LARGE1: variants seen among roughly 807,000 people sequenced by gnomAD.
LARGE1 encodes LARGE xylosyl- and glucuronyltransferase 1, also known as xylosyl- and glucuronyltransferase LARGE1.
A neutral mutation model predicts 87.6 loss-of-function variants in LARGE1; 43 were observed. That is an observed-to-expected ratio of 0.49 (90% confidence interval 0.38 to 0.63). The LOEUF is 0.63. LARGE1 is among the 30% of genes least tolerant of loss of function. The pLI is 0.00. For synonymous variants in LARGE1, 434 were observed against 394.6 expected, an observed-to-expected ratio of 1.10 and a Z score of -1.18; for missense variants, 802 against 1,000.2, an observed-to-expected ratio of 0.80 and a Z score of 2.67.
At chr22:33,206,977 T>C (rs993132594) in intron 11 of LARGE1, among the ~76,000 whole-genome samples, 9 of 152,218 alleles carry the variant, frequency 5.9e-5, no homozygotes, top group African/African-American at 2.2e-4. Flanking sequence ...CCCTCTCCGG[T>C]GCAGAACTGC....
intron 1 of LARGE1, among the ~76,000 whole-genome samples, chr22:33,834,156 T>C (rs1159388964): frequency 6.6e-6 from 1 of 152,186 alleles, no homozygotes; most frequent in East Asian, 1.9e-4. Flanking sequence ...GCATCTATTA[T>C]GTGATAAGGT....
intron 6 of LARGE1, among the ~76,000 whole-genome samples, chr22:33,506,706 G>A (rs1298260597): frequency 6.6e-6 from 1 of 152,154 alleles, no homozygotes; most frequent in Non-Finnish European, 1.5e-5. Flanking sequence ...TTCGAGACCA[G>A]CCTGGCCAAT....
chr22:33,250,169 A>C (rs1926948062), intron 11 of LARGE1, among the ~76,000 whole-genome samples: 1 of 152,184 alleles, frequency 6.6e-6, no homozygotes, highest in Non-Finnish European at 1.5e-5. Context: ...TCATGTACAT[A>C]TCTCTCCATT....
At chr22:33,388,591 A>C (rs546122368) in intron 7 of LARGE1, among the ~76,000 whole-genome samples, 13 of 152,038 alleles carry the variant, frequency 8.6e-5, no homozygotes, top group Non-Finnish European at 1.5e-5. Flanking sequence ...TTTTAGACAG[A>C]GTCTTGCTCT....
intron 6 of LARGE1, among the ~76,000 whole-genome samples, chr22:33,522,758 G>C (rs2071673965): frequency 6.6e-6 from 1 of 151,768 alleles, no homozygotes; most frequent in African/African-American, 2.4e-5. Context: ...TTGAACCCAA[G>C]AGGTGGAGGT....
chr22:33,895,108 G>C (rs2065103326), intron 1 of LARGE1, among the ~76,000 whole-genome samples: 1 of 152,188 alleles, frequency 6.6e-6, no homozygotes, highest in African/African-American at 2.4e-5. Context: ...CACCTCTACA[G>C]AGGTGGGCAG....
the LARGE1 span, chr22:33,105,921 G>T: frequency 1.3e-5 from 2 of 152,292 alleles, no homozygotes; most frequent in Non-Finnish European, 2.9e-5. Flanking sequence ...TGGCACTAGG[G>T]TTAGTCTCAA....
intron 6 of LARGE1, among the ~76,000 whole-genome samples, chr22:33,474,124 T>C (rs1258036628): frequency 2.0e-5 from 3 of 152,204 alleles, no homozygotes; most frequent in African/African-American, 7.2e-5. Flanking sequence ...CTCAAACATA[T>C]ATTGTTGGCC....
At chr22:33,149,798 T>C in the LARGE1 span, among the ~76,000 whole-genome samples, 1 of 152,294 alleles carries the variant, frequency 6.6e-6, no homozygotes, top group East Asian at 1.9e-4. Flanking sequence ...TTGCTGACAG[T>C]CAGAGGCCAA....
At chr22:33,069,605 A>T in the LARGE1 span, among the ~76,000 whole-genome samples, 1 of 151,902 alleles carries the variant, frequency 6.6e-6, no homozygotes, top group African/African-American at 2.4e-5. Flanking sequence ...TTCATTATGA[A>T]CTAAAATAAT....
intron 9 of LARGE1, among the ~76,000 whole-genome samples, chr22:33,346,126 T>G (rs1053301806): frequency 8.5e-5 from 13 of 152,080 alleles, no homozygotes; most frequent in African/African-American, 3.1e-4. Context: ...TCCTAGTATT[T>G]CTTAAACCTG....
chr22:33,913,130 C>A (rs1164175894), intron 1 of LARGE1, among the ~76,000 whole-genome samples: 1 of 152,196 alleles, frequency 6.6e-6, no homozygotes, highest in Non-Finnish European at 1.5e-5. Flanking sequence ...CCAAGCCCGG[C>A]CTGATTTTGA....
At chr22:33,220,510 A>G (rs1925409301) in intron 11 of LARGE1, among the ~76,000 whole-genome samples, 1 of 152,112 alleles carries the variant, frequency 6.6e-6, no homozygotes, top group Non-Finnish European at 1.5e-5. Context: ...GTGAAAGGGG[A>G]AAAAAATAGA....
At chr22:33,853,960 G>A (rs1277341379) in intron 1 of LARGE1, among the ~76,000 whole-genome samples, 1 of 152,096 alleles carries the variant, frequency 6.6e-6, no homozygotes, top group African/African-American at 2.4e-5. Flanking sequence ...GCTCTCAGCA[G>A]GTCCCAACTG....
the LARGE1 span, among the ~76,000 whole-genome samples, chr22:33,120,360 T>TTCTTTCTTTCTTTC: frequency 1.2e-5 from 1 of 81,004 alleles, no homozygotes; most frequent in African/African-American, 6.0e-5. Flanking sequence ...TTCTTTCTTT[T>TTCTTTCTTTCTTTC]TCTTTCTTTC....
intron 2 of LARGE1, among the ~76,000 whole-genome samples, chr22:33,748,590 C>A (rs183346948): frequency 6.6e-6 from 1 of 152,066 alleles, no homozygotes; most frequent in Non-Finnish European, 1.5e-5. Context: ...AGTCAATTTG[C>A]GGTAAGAGAG....
At chr22:33,210,104 A>G (rs1050800794) in intron 11 of LARGE1, among the ~76,000 whole-genome samples, 9 of 152,222 alleles carry the variant, frequency 5.9e-5, no homozygotes, top group Non-Finnish European at 1.3e-4. Flanking sequence ...GTATGCAGCC[A>G]AAGTTGAGAA....
chr22:33,827,060 G>A (rs957357635), intron 1 of LARGE1, among the ~76,000 whole-genome samples: 5 of 152,030 alleles, frequency 3.3e-5, no homozygotes, highest in Non-Finnish European at 7.4e-5. Flanking sequence ...TTTCTCCTAA[G>A]ACATTTAAAA....
chr22:33,166,847 G>A, intron 11 of LARGE1: 1 of 471,356 alleles, frequency 2.1e-6, no homozygotes, highest in South Asian at 1.5e-5. Flanking sequence ...AAGCAAAAGA[G>A]AATGAGAAAG....
Sources: allele counts gnomAD v4.1 joint callset (sites outside exome capture counted in the v4.1 genomes callset), GRCh38; gene constraint gnomAD v4.1.1; transcripts MANE v1.5; gene names NCBI Gene and HGNC (gene_info 2026-07-23, HGNC 2026-07-21).